Variants in LAMA3 observed in about 807,000 individuals in gnomAD.
LAMA3 encodes laminin subunit alpha 3.
In LAMA3, 281 loss-of-function variants were observed where a neutral mutation model predicts 402.0. The ratio of observed to expected loss-of-function variants is 0.70; its 90% CI spans 0.63 to 0.77. The LOEUF (loss-of-function observed/expected upper bound fraction) is 0.77, where lower values mean the gene tolerates loss of function less well. Ranked by LOEUF, LAMA3 falls within the 30% of genes least tolerant of loss-of-function variation. LAMA3 has a pLI of 0.00. For missense variants in LAMA3, 3,840 were observed against 4,215.5 expected (o/e 0.91, Z 2.47); for synonymous variants, 1,431 against 1,558.4 (o/e 0.92, Z 1.93).
intron 32 of LAMA3, among the ~76,000 whole-genome samples, chr18:23,852,347 A>G (rs1431253697): frequency 1.3e-5 from 2 of 152,262 alleles, no homozygotes; most frequent in African/African-American, 2.4e-5. Flanking sequence ...ATAAATGCAT[A>G]CATGTTTATG....
Position 23,842,525 on chromosome 18 carries a change from A to G in LAMA3, c.3463+4A>G, listed in dbSNP as rs772367274. On this transcript the variant is annotated splice_donor_region_variant and intron_variant, in intron 28 of 74. Coordinates refer to ENST00000313654, the MANE Select transcript of LAMA3 (RefSeq NM_198129.4). ...GATGGCGGGTGGCCACGGGCAGGTGAGCTGCAGTGAGCAGGCCCTGCTGCC... is the reference window on the plus strand; with the variant it reads ...GATGGCGGGTGGCCACGGGCAGGTGGGCTGCAGTGAGCAGGCCCTGCTGCC... 7.4e-6 allele frequency: 12 copies of G among 1,614,194 alleles called. No homozygotes were observed. The highest frequency in any genetic ancestry group is 1.0e-5 in the Non-Finnish European group (12 of 1,180,036).
chr18:23,725,994 T>A (rs1006904415), intron 2 of LAMA3, among the ~76,000 whole-genome samples: 3 of 152,360 alleles, frequency 2.0e-5, no homozygotes, highest in Admixed American at 6.5e-5. Flanking sequence ...CTCCTCAGCA[T>A]CACAGAGTAA....
Position 23,839,807 on chromosome 18 carries a change from C to T in LAMA3, c.3214C>T (p.His1072Tyr). Residue 1072 changes from histidine to tyrosine, a missense_variant, in exon 27 of 75, where the codon CAT becomes TAT. Coordinates refer to ENST00000313654, the MANE Select transcript of LAMA3 (RefSeq NM_198129.4). This position sits in a 1 kb window ranked among gnomAD's most constrained non-coding sequence, Gnocchi z 4.5. ...NQSATCVSLA[H>Y]ETPPTALILD... ...CAGTGCCACCTGTGTCTCCTTGGCC[C>T]ATGAAACTCCTCCAACAGCATTAAT... 6.2e-7 allele frequency: 1 copy of T among 1,614,146 alleles called. No homozygotes were observed. Among genetic ancestry groups the T allele is most frequent in the Non-Finnish European group, 8.5e-7 (1 of 1,179,996 alleles).
At chr18:23,890,673 A>T (rs1407592512) in intron 42 of LAMA3, among the ~76,000 whole-genome samples, 2 of 152,198 alleles carry the variant, frequency 1.3e-5, no homozygotes, top group African/African-American at 4.8e-5. Flanking sequence ...TATTAATAGG[A>T]TTAATCAGGA....
chr18:23,715,656 G>A (rs752188527), intron 2 of LAMA3, among the ~76,000 whole-genome samples: 22 of 152,182 alleles, frequency 1.4e-4, no homozygotes, highest in Non-Finnish European at 1.9e-4. Context: ...AGATGGTAAC[G>A]TAAACAGCAG....
At chr18:23,835,313 A>T (rs2063560382) in intron 24 of LAMA3, among the ~76,000 whole-genome samples, 1 of 152,306 alleles carries the variant, frequency 6.6e-6, no homozygotes, top group East Asian at 1.9e-4. Context: ...GGGCAGGAGG[A>T]ACTATTCATA....
intron 21 of LAMA3, 104 bp downstream of exon 21, chr18:23,824,669 A>G (rs1441784847): frequency 3.8e-6 from 5 of 1,317,026 alleles, no homozygotes; most frequent in African/African-American, 1.4e-5. Flanking sequence ...TATCACAATC[A>G]TTGGTGGTTT....
intron 8 of LAMA3, among the ~76,000 whole-genome samples, chr18:23,771,726 G>A (rs1436210613): frequency 2.0e-5 from 3 of 152,210 alleles, no homozygotes; most frequent in African/African-American, 7.2e-5. Context: ...TGGATGGATG[G>A]ATAATTATGT....
At chr18:23,899,628 A>G in intron 47 of LAMA3, 173 bp downstream of exon 47, 1 of 667,216 alleles carries the variant, frequency 1.5e-6, no homozygotes, top group Middle Eastern at 3.6e-4. Flanking sequence ...GTCCCAGGTT[A>G]CCAACGGGCT....
At chr18:23,830,944 A>G (rs1374813404) in intron 23 of LAMA3, among the ~76,000 whole-genome samples, 1 of 152,194 alleles carries the variant, frequency 6.6e-6, no homozygotes, top group Non-Finnish European at 1.5e-5. Context: ...CCATTTCGGT[A>G]TTCCCTACCT....
intron 32 of LAMA3, among the ~76,000 whole-genome samples, chr18:23,850,418 A>C (rs1345593762): frequency 6.6e-6 from 1 of 152,094 alleles, no homozygotes; most frequent in Non-Finnish European, 1.5e-5. Context: ...TGAGCCTTCG[A>C]CTCACCTTTG....
At chr18:23,770,162 C>T (rs1355776195) in intron 8 of LAMA3, among the ~76,000 whole-genome samples, 1 of 152,044 alleles carries the variant, frequency 6.6e-6, no homozygotes, top group African/African-American at 2.4e-5. Context: ...GATTTAAATA[C>T]CATCCTATTG....
chr18:23,799,219 G>A (rs2062823868), intron 12 of LAMA3, among the ~76,000 whole-genome samples: 1 of 152,146 alleles, frequency 6.6e-6, no homozygotes, highest in Non-Finnish European at 1.5e-5. Context: ...CTTCTTGAGA[G>A]TAAGTTTCCT....
intron 16 of LAMA3, 108 bp from the exon 17 acceptor site, chr18:23,815,360 A>T: frequency 7.4e-7 from 1 of 1,360,414 alleles, no homozygotes; most frequent in Non-Finnish European, 1.1e-6. Context: ...TCCTTTCCAG[A>T]TCCTGGCTAC....
At chr18:23,875,214 C>T (rs549751946) in intron 38 of LAMA3, among the ~76,000 whole-genome samples, 1 of 152,102 alleles carries the variant, frequency 6.6e-6, no homozygotes, top group Non-Finnish European at 1.5e-5. Flanking sequence ...AAATAAAGGA[C>T]ATGTCTATAA....
Position 23,814,390 on chromosome 18 carries a change from T to A in LAMA3, c.1789-13T>A. ...TCCAAGATGTCAAATGTTTGTTTGA[T>A]TTTCATTCAAAGGGGTATTGCCAAT... On this transcript the variant is annotated splice_polypyrimidine_tract_variant and intron_variant, in intron 14 of 74. Coordinates refer to ENST00000313654, the MANE Select transcript of LAMA3 (RefSeq NM_198129.4). 6.4e-7 allele frequency: 1 copy of A among 1,571,840 alleles called. No homozygotes were observed. Among genetic ancestry groups the A allele is most frequent in the Non-Finnish European group, 8.8e-7 (1 of 1,141,664 alleles).
At position 23,939,385 on chromosome 18, in the gene LAMA3, A is replaced by C; in HGVS notation, c.9025A>C (p.Arg3009=). ...FKLPQELLKP[R]SQFAVDMQTT... is the part of the protein sequence containing the mutation. The stretch of plus-strand genomic sequence containing the variant: ...GCTTCCTCAGGAGCTGCTGAAACCC[A>C]GGTATTATTTAGCTTTCCTGCCCCA... Residue 3009 remains arginine, a splice_region_variant and synonymous_variant, in exon 68 of 75, where the codon AGG becomes CGG. Transcript: ENST00000313654. The C allele has an allele frequency of 6.2e-7, 1 of 1,614,036 alleles. No homozygotes were observed. The highest frequency in any genetic ancestry group is 8.5e-7 in the Non-Finnish European group (1 of 1,179,952).
At chr18:23,880,543 G>A (rs1177381179) in intron 39 of LAMA3, among the ~76,000 whole-genome samples, 3 of 152,122 alleles carry the variant, frequency 2.0e-5, no homozygotes, top group African/African-American at 7.2e-5. Flanking sequence ...GGATATAAAC[G>A]TATATTGCTT....
intron 42 of LAMA3, among the ~76,000 whole-genome samples, chr18:23,892,903 CAAAAAAA>C (rs34079963): frequency 5.8e-5 from 4 of 69,462 alleles, no homozygotes; most frequent in African/African-American, 1.7e-4. Flanking sequence ...AACTCTGTCT[CAAAAAAA>C]AAAAAAAAAA....
Sources: gnomAD v4.1 joint callset for allele counts (sites outside exome capture counted in the v4.1 genomes callset) on GRCh38, gnomAD v4.1.1 for gene constraint, Gnocchi (gnomAD v3.1) non-coding constraint, MANE v1.5 for transcripts, NCBI Gene and HGNC (gene_info 2026-07-23, HGNC 2026-07-21) for gene names.